The following GRIK3 variants were observed in gnomAD, a reference collection of about 807,000 sequenced individuals.
The protein encoded by GRIK3 is glutamate receptor ionotropic, kainate 3.
Under a neutral mutation model 102.5 loss-of-function variants are expected in GRIK3, and 29 were observed. That is an observed-to-expected ratio of 0.28 (90% confidence interval 0.21 to 0.39). GRIK3 has a LOEUF of 0.39. GRIK3 is among the 10% of genes least tolerant of loss of function. GRIK3 has a pLI of 1.00. For synonymous variants in GRIK3, 511 were observed against 504.9 expected (o/e 1.01, Z -0.16); for missense variants, 908 against 1,252.4 (o/e 0.73, Z 4.15).
intron 3 of GRIK3, among the ~76,000 whole-genome samples, chr1:36,878,566 G>C (rs1640933773): frequency 6.6e-6 from 1 of 152,244 alleles, no homozygotes; most frequent in South Asian, 2.1e-4. Flanking sequence ...CATGTGGGCA[G>C]AGCAAGGCCA....
chr1:36,960,157 C>T (rs985254908), intron 1 of GRIK3, among the ~76,000 whole-genome samples: 1 of 146,632 alleles, frequency 6.8e-6, no homozygotes, highest in Non-Finnish European at 1.5e-5. Flanking sequence ...GCCTGTGTGC[C>T]CTGTGAGCCT....
At chr1:36,856,148 G>A (rs1413075189) in intron 7 of GRIK3, among the ~76,000 whole-genome samples, 1 of 152,226 alleles carries the variant, frequency 6.6e-6, no homozygotes, top group Non-Finnish European at 1.5e-5. Flanking sequence ...GCTTCCCTCA[G>A]GCTGGCTCCC....
At position 36,874,072 on chromosome 1, in the gene GRIK3, T is replaced by C. The variant is rs369764181; in HGVS notation, c.551-1703A>G. On this transcript the variant is annotated intron_variant, in intron 3 of 15. Coordinates refer to ENST00000373091, the MANE Select transcript of GRIK3 (RefSeq NM_000831.4). The stretch of plus-strand genomic sequence containing the variant: ...ACCAAATTGCTGCCCCCAAACTTTT[T>C]TTGCTTAAGCCAGTTTGCACTGGAT... 5.3e-5 allele frequency among the ~76,000 whole-genome samples: 8 copies of C among 152,288 alleles called. 1 individual carries two copies. The highest frequency in any genetic ancestry group is 1.7e-4 in the African/African-American group (7 of 41,564).
chr1:36,982,962 G>C (rs1210768067), intron 1 of GRIK3, among the ~76,000 whole-genome samples: 1 of 152,158 alleles, frequency 6.6e-6, no homozygotes, highest in African/African-American at 2.4e-5. Flanking sequence ...TTAAAACCCG[G>C]CTGTCTCAAG....
intron 1 of GRIK3, among the ~76,000 whole-genome samples, chr1:37,020,644 A>G (rs1246111378): frequency 6.6e-6 from 1 of 152,238 alleles, no homozygotes; most frequent in African/African-American, 2.4e-5. Context: ...AGGAAAAAAA[A>G]AAGGAGAAAA....
chr1:36,859,779 G>T, intron 6 of GRIK3, 65 bp downstream of exon 6: 1 of 1,237,620 alleles, frequency 8.1e-7, no homozygotes, highest in Non-Finnish European at 1.2e-6. Context: ...ACAAGAGGAA[G>T]GAGAGAAGAA....
At chr1:37,027,899 T>C (rs998734577) in intron 1 of GRIK3, among the ~76,000 whole-genome samples, 9 of 152,136 alleles carry the variant, frequency 5.9e-5, no homozygotes, top group Non-Finnish European at 1.2e-4. Flanking sequence ...TTTGCTCTTG[T>C]AGACGGAATG....
chr1:37,021,215 G>GT (rs1273582553), intron 1 of GRIK3, among the ~76,000 whole-genome samples: 3 of 151,482 alleles, frequency 2.0e-5, no homozygotes, highest in Non-Finnish European at 4.4e-5. Flanking sequence ...ACAGTTGTCT[G>GT]TTTTTTTCCC....
intron 1 of GRIK3, among the ~76,000 whole-genome samples, chr1:36,988,941 G>A (rs936668999): frequency 6.6e-6 from 1 of 152,128 alleles, no homozygotes; most frequent in African/African-American, 2.4e-5. Flanking sequence ...TATTTGAAAC[G>A]TACAGGCCCG....
chr1:36,847,900 G>GTGGGACAGATGGAGCTGTGACCAGGCTA (rs1321149441), intron 9 of GRIK3, among the ~76,000 whole-genome samples: 27 of 152,356 alleles, frequency 1.8e-4, no homozygotes, highest in Admixed American at 8.5e-4. Flanking sequence ...CTGAGAGGCT[G>GTGGGACAGATGGAGCTGTGACCAGGCTA]TGGGACAGAT....
intron 1 of GRIK3, among the ~76,000 whole-genome samples, chr1:36,923,689 C>A (rs1188988774): frequency 6.6e-6 from 1 of 152,212 alleles, no homozygotes; most frequent in Non-Finnish European, 1.5e-5. Context: ...CTCCTTGTCT[C>A]ACATCATAGG....
At chr1:37,029,324 C>A (rs566219494) in intron 1 of GRIK3, among the ~76,000 whole-genome samples, 2 of 152,222 alleles carry the variant, frequency 1.3e-5, no homozygotes, top group Non-Finnish European at 2.9e-5. Flanking sequence ...GCTCCTGCAA[C>A]ATTGGTCCTC....
intron 1 of GRIK3, among the ~76,000 whole-genome samples, chr1:37,017,794 C>T (rs933679262): frequency 2.6e-5 from 4 of 152,138 alleles, no homozygotes; most frequent in African/African-American, 7.2e-5. Flanking sequence ...ACAATGCTAA[C>T]GGTTGTCTAA....
At position 36,806,034 on chromosome 1, in the gene GRIK3, A is replaced by T. The variant is rs1406160901; in HGVS notation, c.2314+70T>A. On this transcript the variant is annotated intron_variant, in intron 14 of 15. Coordinates refer to ENST00000373091, the MANE Select transcript of GRIK3 (RefSeq NM_000831.4). This position sits in a 1 kb window ranked among gnomAD's most constrained non-coding sequence, Gnocchi z 4.0. ...GGAATGAGCTGTGAGACGGAGTGTG[A>T]GGGGACGCGGGGGTGGAGCCCTCCC... is the stretch of plus-strand genomic sequence containing the variant. 1 of 946,340 alleles carries T rather than the reference A, an allele frequency of 1.1e-6. No homozygotes were observed. Among genetic ancestry groups the T allele is most frequent in the Non-Finnish European group, 1.7e-6 (1 of 601,964 alleles). 58.6% of individuals were successfully genotyped at this position (946,340 alleles called of 1,614,324 possible).
Position 36,806,405 on chromosome 1 carries a change from G to T in GRIK3, c.2092-79C>A. 1.2e-6 allele frequency: 1 copy of T among 818,378 alleles called. No individual in the cohort carries two copies. Among genetic ancestry groups the T allele is most frequent in the Non-Finnish European group, 2.0e-6 (1 of 503,190 alleles). The allele number at this position is 818,378 out of a possible 1,614,324, so 50.7% of individuals were successfully genotyped here. A position where few individuals can be genotyped will look rare whatever the true frequency, so the allele number is the denominator to read the frequency against. On this transcript the variant is annotated intron_variant, in intron 13 of 15. Coordinates refer to ENST00000373091, the MANE Select transcript of GRIK3 (RefSeq NM_000831.4). The surrounding 1 kb of genome is among the most constrained non-coding windows in gnomAD (Gnocchi z 4.0). ...CCAAGCACCGCATACCCTGCACAAC[G>T]TGGGTTGGGGCCTTGAACTCGGTCT...
Position 36,979,063 on chromosome 1 carries a change from A to G in GRIK3, c.115+54931T>C, listed in dbSNP as rs147554103. Among the ~76,000 whole-genome samples, 706 of 152,338 alleles carry G rather than the reference A, an allele frequency of 4.6e-3. 4 individuals are homozygous for G. Among genetic ancestry groups the G allele is most frequent in the African/African-American group, 0.015 (622 of 41,572 alleles). On this transcript the variant is annotated intron_variant, in intron 1 of 15. Transcript: ENST00000373091. ...GACCATGCTCAGTTGCTACCTTACA[A>G]TGTTGGAGCAGTACAGCTTGCTAAG... is the stretch of plus-strand genomic sequence containing the variant.
chr1:36,875,867 C>T (rs114231076), intron 3 of GRIK3, among the ~76,000 whole-genome samples: 1,814 of 152,332 alleles, frequency 0.012, 32 homozygotes, highest in African/African-American at 0.039. Flanking sequence ...CACTCCCTTC[C>T]AGCATTCTAA....
At chr1:36,906,048 C>A (rs1338280866) in intron 1 of GRIK3, among the ~76,000 whole-genome samples, 1 of 152,152 alleles carries the variant, frequency 6.6e-6, no homozygotes, top group Non-Finnish European at 1.5e-5. Flanking sequence ...TCAGTCTTAT[C>A]CTATATAAAA....
Position 36,966,834 on chromosome 1 carries a change from AAAT to A in GRIK3, c.115+67157_115+67159del, listed in dbSNP as rs551932629. 5.6e-3 allele frequency among the ~76,000 whole-genome samples: 852 copies of A among 152,272 alleles called. 12 individuals carry two copies. The highest frequency in any genetic ancestry group is 0.02 in the African/African-American group (812 of 41,560). Reference sequence around the variant, plus strand: ...TCTTCAGGCTTAGATCCTGAGAAGAAAATAATAATAGAGCCGGGCATGGTGAGT... The same window carrying A: ...TCTTCAGGCTTAGATCCTGAGAAGAAAATAATAGAGCCGGGCATGGTGAGT... On this transcript the variant is annotated intron_variant, in intron 1 of 15. Coordinates refer to ENST00000373091, the MANE Select transcript of GRIK3 (RefSeq NM_000831.4).
Sources: gnomAD v4.1 joint callset for allele counts (sites outside exome capture counted in the v4.1 genomes callset) on GRCh38, gnomAD v4.1.1 for gene constraint, Gnocchi (gnomAD v3.1) non-coding constraint, MANE v1.5 for transcripts, NCBI Gene and HGNC (gene_info 2026-07-23, HGNC 2026-07-21) for gene names.